Variants in ENTHD1 observed in about 807,000 individuals in gnomAD.
ENTHD1 encodes ENTH domain containing 1.
A neutral mutation model predicts 39.1 loss-of-function variants in ENTHD1; 23 were observed. That is an observed-to-expected ratio of 0.59 (90% CI 0.42 to 0.83). ENTHD1 has a LOEUF of 0.83. ENTHD1 is among the 40% of genes least tolerant of loss of function. ENTHD1 has a pLI of 0.00. For synonymous variants in ENTHD1, 230 were observed against 258.2 expected (o/e 0.89, Z 1.05); for missense variants, 624 against 705.4 (o/e 0.88, Z 1.31).
At chr22:39,796,684 A>G (rs1025869399) in intron 5 of ENTHD1, among the ~76,000 whole-genome samples, 3 of 152,192 alleles carry the variant, frequency 2.0e-5, no homozygotes, top group African/African-American at 7.2e-5. Context: ...GTATTTGTCT[A>G]GTTTCCAAAG....
intron 4 of ENTHD1, among the ~76,000 whole-genome samples, chr22:39,833,453 C>T (rs1301965004): frequency 1.3e-5 from 2 of 151,858 alleles, no homozygotes; most frequent in Non-Finnish European, 2.9e-5. Flanking sequence ...ATTTACTAAA[C>T]ATACCAAGAT....
chr22:39,855,988 T>G (rs887303012), intron 3 of ENTHD1, among the ~76,000 whole-genome samples: 4 of 152,140 alleles, frequency 2.6e-5, no homozygotes, highest in Non-Finnish European at 5.9e-5. Context: ...AATGTCCCCC[T>G]CGTGGCCGGG....
Position 39,862,373 on chromosome 22 carries a change from C to T in ENTHD1, c.350-366G>A, listed in dbSNP as rs140053133. ...GACCATCCTGGCCAATATGGTGAAA[C>T]CTTGTCTCTACTAAAATACAAAAAA... On this transcript the variant is annotated intron_variant, in intron 2 of 6. Transcript: ENST00000325157. Among the ~76,000 whole-genome samples the T allele has an allele frequency of 7.4e-3, 1,119 of 151,904 alleles. 16 individuals are homozygous for T. The highest frequency in any genetic ancestry group is 0.026 in the African/African-American group (1,072 of 41,430).
intron 5 of ENTHD1, among the ~76,000 whole-genome samples, chr22:39,815,439 G>A (rs1314021025): frequency 6.7e-5 from 10 of 148,526 alleles, no homozygotes; most frequent in East Asian, 2.0e-4. Flanking sequence ...GTGAAACTCC[G>A]TCTCAAAAAA....
chr22:39,822,837 A>G (rs2065793950), intron 4 of ENTHD1, among the ~76,000 whole-genome samples: 1 of 152,124 alleles, frequency 6.6e-6, no homozygotes, highest in Non-Finnish European at 1.5e-5. Context: ...TAAAAACTCA[A>G]CTTTGAGCTC....
intron 5 of ENTHD1, among the ~76,000 whole-genome samples, chr22:39,804,752 G>A (rs1182563099): frequency 6.6e-6 from 1 of 152,158 alleles, no homozygotes; most frequent in Non-Finnish European, 1.5e-5. Context: ...CCAAGCACAG[G>A]CTCCTAAAGA....
chr22:39,835,409 A>G (rs1430219135), intron 4 of ENTHD1, among the ~76,000 whole-genome samples: 2 of 152,174 alleles, frequency 1.3e-5, no homozygotes, highest in African/African-American at 2.4e-5. Context: ...CTTCTACTAT[A>G]CAGAAAAATT....
Position 39,804,841 on chromosome 22 carries a change from G to T in ENTHD1, c.832+16152C>A, listed in dbSNP as rs771812090. Among the ~76,000 whole-genome samples, 4 of 152,138 alleles carry T rather than the reference G, an allele frequency of 2.6e-5. 1 individual carries two copies. The highest frequency in any genetic ancestry group is 5.9e-5 in the Non-Finnish European group (4 of 68,036). On this transcript the variant is annotated intron_variant, in intron 5 of 6. Transcript: ENST00000325157. ...ACTTAAACAAACAAAAACTAGACTC[G>T]TATGTAACAGATAAAGATTTGGGAA... is the stretch of plus-strand genomic sequence containing the variant.
rs1176974289 is a variant in ENTHD1, at chr22:39,887,804, A to G, written c.-56T>C. The G allele has an allele frequency of 3.8e-6, 5 of 1,311,284 alleles. No homozygotes were observed. The highest frequency in any genetic ancestry group is 3.0e-5 in the African/African-American group (2 of 67,692). 81.2% of individuals were successfully genotyped at this position (1,311,284 alleles called of 1,614,324 possible). On this transcript the variant is annotated 5_prime_UTR_variant, in exon 2 of 7. Transcript: ENST00000325157. Reference sequence around the variant, plus strand: ...GATGAAAGCAATGGAATAACAGTTTATGTCACGGGTTTATAAAACTCTTGA... The same window carrying G: ...GATGAAAGCAATGGAATAACAGTTTGTGTCACGGGTTTATAAAACTCTTGA...
intron 5 of ENTHD1, among the ~76,000 whole-genome samples, chr22:39,766,062 A>C (rs968324154): frequency 2.6e-5 from 4 of 151,068 alleles, no homozygotes; most frequent in African/African-American, 9.7e-5. Flanking sequence ...AAGAAAAAGA[A>C]AAGCTTTCTC....
At chr22:39,811,781 CATCCTGGCTA>C (rs1220552104) in intron 5 of ENTHD1, among the ~76,000 whole-genome samples, 1 of 152,022 alleles carries the variant, frequency 6.6e-6, no homozygotes, top group African/African-American at 2.4e-5. Flanking sequence ...AGATCCAGAC[CATCCTGGCTA>C]ACACAGTGCA....
intron 5 of ENTHD1, among the ~76,000 whole-genome samples, chr22:39,769,049 C>T (rs938699143): frequency 3.0e-4 from 45 of 150,506 alleles, no homozygotes; most frequent in African/African-American, 1.1e-3. Context: ...TACATATATA[C>T]ACACACTAAC....
chr22:39,834,987 G>A (rs1184146428), intron 4 of ENTHD1, among the ~76,000 whole-genome samples: 1 of 152,106 alleles, frequency 6.6e-6, no homozygotes. Flanking sequence ...TGGGTAGCAC[G>A]AGGCACTTCT....
intron 4 of ENTHD1, among the ~76,000 whole-genome samples, chr22:39,825,857 A>T (rs961915331): frequency 1.3e-5 from 2 of 151,912 alleles, no homozygotes; most frequent in African/African-American, 4.8e-5. Context: ...CACTAACCAA[A>T]CAAACCAAAT....
chr22:39,821,111 G>A lies in ENTHD1; in HGVS notation c.714C>T (p.Asp238=). Reference sequence around the variant, plus strand: ...GATCATCATCCAAAAATGTCATCAGGTCCTGACAGAAAACACAAGAACATG... The same window carrying A: ...GATCATCATCCAAAAATGTCATCAGATCCTGACAGAAAACACAAGAACATG... ...LKIHGWKSTE[D]LMTFLDDDPE... is the part of the protein sequence containing the mutation. Residue 238 remains aspartate, a splice_region_variant and synonymous_variant, in exon 5 of 7, where the codon GAC becomes GAT. Transcript: ENST00000325157. The A allele has an allele frequency of 6.2e-7, 1 of 1,613,650 alleles. No homozygotes were observed. The highest frequency in any genetic ancestry group is 1.7e-4 in the Middle Eastern group (1 of 6,058).
chr22:39,811,936 G>C (rs557427267), intron 5 of ENTHD1, among the ~76,000 whole-genome samples: 41 of 151,920 alleles, frequency 2.7e-4, no homozygotes, highest in Admixed American at 2.4e-3. Context: ...CCGAGATCAA[G>C]TCACTGCACT....
At chr22:39,852,749 C>G (rs1210035712) in intron 3 of ENTHD1, among the ~76,000 whole-genome samples, 2 of 152,114 alleles carry the variant, frequency 1.3e-5, no homozygotes, top group Admixed American at 6.5e-5. Flanking sequence ...AGAAAAGGTA[C>G]AGTAAAAATA....
At chr22:39,820,721 C>T (rs905072148) in intron 5 of ENTHD1, among the ~76,000 whole-genome samples, 2 of 151,902 alleles carry the variant, frequency 1.3e-5, no homozygotes, top group African/African-American at 4.8e-5. Context: ...AAAACAGGAA[C>T]TAAAATTAAT....
At position 39,795,322 on chromosome 22, in the gene ENTHD1, G is replaced by A. The variant is rs184434776; in HGVS notation, c.832+25671C>T. The stretch of plus-strand genomic sequence containing the variant: ...CTCCTCTTGAGTTTTTTGGAATAGT[G>A]AGAGGAGAACTGGCGTTAGTTCTTC... On this transcript the variant is annotated intron_variant, in intron 5 of 6. Coordinates refer to ENST00000325157, the MANE Select transcript of ENTHD1 (RefSeq NM_152512.4). Among the ~76,000 whole-genome samples, 80 of 152,256 alleles carry A rather than the reference G, an allele frequency of 5.3e-4. 1 individual carries two copies. Among genetic ancestry groups the A allele is most frequent in the Admixed American group, 3.3e-4 (5 of 15,292 alleles).
Sources: allele counts gnomAD v4.1 joint callset (sites outside exome capture counted in the v4.1 genomes callset), GRCh38; gene constraint gnomAD v4.1.1; transcripts MANE v1.5; gene names NCBI Gene and HGNC (gene_info 2026-07-23, HGNC 2026-07-21).